The following PLXDC2 variants were observed in gnomAD, a reference collection of about 807,000 sequenced individuals.
PLXDC2 encodes plexin domain containing 2.
A neutral mutation model predicts 68.9 loss-of-function variants in PLXDC2; 40 were observed. The observed-to-expected ratio is 0.58, with a 90% CI of 0.45 to 0.76. PLXDC2 has a LOEUF of 0.76. Ranked by LOEUF, PLXDC2 falls within the 30% of genes least tolerant of loss-of-function variation. The pLI, the probability that PLXDC2 is intolerant of heterozygous loss-of-function variation, is 0.00. For missense variants in PLXDC2, 644 were observed against 661.9 expected (o/e 0.97, Z 0.30); for synonymous variants, 243 against 234.2 (o/e 1.04, Z -0.34).
intron 1 of PLXDC2, among the ~76,000 whole-genome samples, chr10:19,870,082 G>A (rs1837504999): frequency 1.3e-5 from 2 of 152,154 alleles, no homozygotes; most frequent in South Asian, 4.1e-4. Context: ...GAGAAAGTAA[G>A]GATTTCTTTG....
At chr10:20,254,465 C>G (rs1835717360) in intron 13 of PLXDC2, among the ~76,000 whole-genome samples, 1 of 152,096 alleles carries the variant, frequency 6.6e-6, no homozygotes, top group African/African-American at 2.4e-5. Flanking sequence ...CTTTTTTTGT[C>G]TTGAAGTCAC....
intron 6 of PLXDC2, among the ~76,000 whole-genome samples, chr10:20,148,193 GA>G (rs1021715802): frequency 2.7e-5 from 4 of 150,284 alleles, no homozygotes; most frequent in Admixed American, 6.6e-5. Flanking sequence ...ATGTCTCTAA[GA>G]AAAAAAATTC....
chr10:20,093,046 G>A (rs1254284533), intron 4 of PLXDC2, among the ~76,000 whole-genome samples: 2 of 152,120 alleles, frequency 1.3e-5, no homozygotes, highest in Non-Finnish European at 2.9e-5. Context: ...AAGCCACCAT[G>A]TTTGTAGAAA....
chr10:19,846,589 A>G (rs779121160), intron 1 of PLXDC2, among the ~76,000 whole-genome samples: 4 of 152,176 alleles, frequency 2.6e-5, no homozygotes, highest in East Asian at 1.9e-4. Context: ...AGATTTGTCC[A>G]TAATAAACCC....
At chr10:20,147,009 T>C (rs1282162624) in intron 5 of PLXDC2, among the ~76,000 whole-genome samples, 1 of 152,050 alleles carries the variant, frequency 6.6e-6, no homozygotes, top group Non-Finnish European at 1.5e-5. Context: ...ATTTCTTTTC[T>C]TTTTTTTTAA....
intron 9 of PLXDC2, among the ~76,000 whole-genome samples, chr10:20,183,553 G>T (rs1356232649): frequency 6.6e-6 from 1 of 151,858 alleles, no homozygotes; most frequent in Admixed American, 6.6e-5. Context: ...TTGAATTTTT[G>T]CCACCTGAAT....
chr10:20,139,854 G>A (rs574706496), intron 4 of PLXDC2, among the ~76,000 whole-genome samples: 1 of 151,782 alleles, frequency 6.6e-6, no homozygotes, highest in Non-Finnish European at 1.5e-5. Flanking sequence ...GGGCCGGTCA[G>A]GGGGTGGGGG....
At chr10:19,998,375 C>T (rs1433011043) in intron 1 of PLXDC2, among the ~76,000 whole-genome samples, 1 of 152,120 alleles carries the variant, frequency 6.6e-6, no homozygotes, top group Non-Finnish European at 1.5e-5. Flanking sequence ...CTCTAAAAAT[C>T]ATTTAGAAGT....
At chr10:19,904,591 T>C (rs1214898480) in intron 1 of PLXDC2, among the ~76,000 whole-genome samples, 1 of 152,116 alleles carries the variant, frequency 6.6e-6, no homozygotes. Context: ...AGCAGACTCA[T>C]AGTTTTTCAG....
At chr10:19,946,021 T>C (rs1833895898) in intron 1 of PLXDC2, among the ~76,000 whole-genome samples, 1 of 152,228 alleles carries the variant, frequency 6.6e-6, no homozygotes, top group South Asian at 2.1e-4. Context: ...AAATTCCCTT[T>C]GCCCGTTGAT....
At chr10:19,970,710 T>C (rs1469031915) in intron 1 of PLXDC2, among the ~76,000 whole-genome samples, 1 of 152,170 alleles carries the variant, frequency 6.6e-6, no homozygotes, top group East Asian at 1.9e-4. Flanking sequence ...TCCTCAATTG[T>C]GGTTTTGTAG....
chr10:20,181,259 G>C (rs1417807602), intron 9 of PLXDC2, among the ~76,000 whole-genome samples: 1 of 152,012 alleles, frequency 6.6e-6, no homozygotes, highest in South Asian at 2.1e-4. Context: ...TGCACTTAAA[G>C]TATTCATTCA....
At chr10:20,271,931 C>G (rs1835945915) in intron 13 of PLXDC2, among the ~76,000 whole-genome samples, 1 of 152,070 alleles carries the variant, frequency 6.6e-6, no homozygotes, top group African/African-American at 2.4e-5. Context: ...TATTATTTTC[C>G]CTATAAATAA....
At chr10:20,169,638 C>G (rs2131819667) in intron 7 of PLXDC2, among the ~76,000 whole-genome samples, 1 of 152,288 alleles carries the variant, frequency 6.6e-6, no homozygotes. Context: ...TCCCATCGGG[C>G]CTCACTGTTT....
intron 1 of PLXDC2, among the ~76,000 whole-genome samples, chr10:19,951,191 C>T (rs769185659): frequency 3.4e-4 from 51 of 152,114 alleles, no homozygotes; most frequent in Non-Finnish European, 6.8e-4. Flanking sequence ...AAGCTATCAA[C>T]AGAATACCCA....
intron 2 of PLXDC2, among the ~76,000 whole-genome samples, chr10:20,034,751 T>C (rs113264638): frequency 0.018 from 2,691 of 152,334 alleles, 76 homozygotes; most frequent in African/African-American, 0.061. Context: ...ACAGTGATTC[T>C]GTATTTTTAC....
chr10:19,826,426 G>A (rs1836570819), intron 1 of PLXDC2, among the ~76,000 whole-genome samples: 1 of 151,898 alleles, frequency 6.6e-6, no homozygotes, highest in African/African-American at 2.4e-5. Flanking sequence ...TTTTTTCTTG[G>A]TGCTTGTTTG....
chr10:20,022,574 C>G (rs932874919), intron 2 of PLXDC2, among the ~76,000 whole-genome samples: 17 of 152,090 alleles, frequency 1.1e-4, no homozygotes, highest in African/African-American at 4.1e-4. Flanking sequence ...GAGCACCTTG[C>G]AGGCTGCTTT....
At chr10:20,070,582 G>A (rs775312720) in intron 4 of PLXDC2, among the ~76,000 whole-genome samples, 2 of 152,152 alleles carry the variant, frequency 1.3e-5, no homozygotes, top group Non-Finnish European at 2.9e-5. Flanking sequence ...AAATGAAAAG[G>A]GAAGAGGAAA....
Sources: gnomAD v4.1 joint callset for allele counts (sites outside exome capture counted in the v4.1 genomes callset) on GRCh38, gnomAD v4.1.1 for gene constraint, MANE v1.5 for transcripts, NCBI Gene and HGNC (gene_info 2026-07-23, HGNC 2026-07-21) for gene names.